The following PIEZO1 variants were observed in gnomAD, a reference collection of about 807,000 sequenced individuals.
PIEZO1 encodes piezo type mechanosensitive ion channel component 1 (Er blood group), also known as piezo-type mechanosensitive ion channel component 1.
A neutral mutation model predicts 297.2 loss-of-function variants in PIEZO1; 296 were observed. The observed-to-expected ratio is 1.00, with a 90% CI of 0.91 to 1.10. The LOEUF is 1.10. Ranked by LOEUF, PIEZO1 falls within the 50% of genes least tolerant of loss-of-function variation. The pLI is 0.00. For synonymous variants in PIEZO1, 2,427 were observed against 1,507.5 expected, an observed-to-expected ratio of 1.61 and a Z score of -14.13; for missense variants, 5,018 against 3,455.5, an observed-to-expected ratio of 1.45 and a Z score of -11.34.
intron 21 of PIEZO1, 50 bp from the exon 22 acceptor site, chr16:88,731,960 G>GGGCGGGGC (rs759215680): frequency 3.4e-6 from 1 of 295,412 alleles, no homozygotes; most frequent in African/African-American, 2.2e-5. Flanking sequence ...TCTGGGGGGA[G>GGGCGGGGC]GGACTTTCTT....
rs747640715 is a variant in PIEZO1, at chr16:88,722,897, G to T, written c.4608C>A (p.His1536Gln). The T allele has an allele frequency of 1.3e-6, 2 of 1,549,156 alleles. No homozygotes were observed. The highest frequency in any genetic ancestry group is 1.7e-6 in the Non-Finnish European group (2 of 1,146,776). ...CCCGCAGCACGTCGCTCATGGTGCC[G>T]TGGTGCCGGGTGAACTCCTGCAGCC... Reference protein sequence around the residue: ...TRWLQEFTRHHGTMSDVLRAE... With the variant: ...TRWLQEFTRHQGTMSDVLRAE... The change falls in exon 34 of 51, where the codon CAC (histidine) becomes CAA (glutamine). Residue 1536 changes from histidine to glutamine, a missense_variant. Physicochemically the swap from His to Gln is conservative, Grantham distance 24. Coordinates refer to ENST00000301015, the MANE Select transcript of PIEZO1 (RefSeq NM_001142864.4).
intron 21 of PIEZO1, among the ~76,000 whole-genome samples, 182 bp from the exon 22 acceptor site, chr16:88,732,092 G>A (rs1432968426): frequency 6.6e-6 from 1 of 151,900 alleles, no homozygotes; most frequent in Non-Finnish European, 1.5e-5. Flanking sequence ...CATCGTGCAG[G>A]GGAAACTGAG....
chr16:88,721,717 C>G lies in PIEZO1; in HGVS notation c.5224G>C (p.Val1742Leu). ...CCAAACTGGAACAGGTACTTGACGA[C>G]CACCGCGATCTGTGGGGGAGGGGGC... The part of the protein sequence containing the change: ...TAIVFTEIAV[V>L]VKYLFQFGFF... The change falls in exon 38 of 51, where the codon GTC becomes CTC. Residue 1742 changes from valine to leucine, a missense_variant. Val to Leu is a conservative substitution (Grantham distance 32). Transcript: ENST00000301015. 1 of 1,541,940 alleles carries G rather than the reference C, an allele frequency of 6.5e-7. No homozygotes were observed. Among genetic ancestry groups the G allele is most frequent in the Non-Finnish European group, 8.7e-7 (1 of 1,143,120 alleles).
intron 21 of PIEZO1, 44 bp from the exon 22 acceptor site, chr16:88,731,954 G>GGGATGGGCGGGGCGT: frequency 9.3e-6 from 3 of 322,528 alleles, no homozygotes; most frequent in Non-Finnish European, 1.8e-5. Context: ...ACTGAGTCTG[G>GGGATGGGCGGGGCGT]GGGGAGGGAC....
At position 88,726,619 on chromosome 16, in the gene PIEZO1, G is replaced by T. The variant is rs1329724031; in HGVS notation, c.3724C>A (p.Gln1242Lys). Residue 1242 changes from glutamine (Q) to lysine (K), a missense_variant, in exon 26 of 51, where the codon CAG becomes AAG. Transcript: ENST00000301015. ...ACCCAGCAGAAGCCGGTCTGCATCT[G>T]CTCCACGAAGACGCAGGCCAGGAGC... is the stretch of plus-strand genomic sequence containing the variant. ...LSLLACVFVE[Q>K]MQTGFCWVIQ... The T allele has an allele frequency of 1.3e-6, 2 of 1,540,208 alleles. No homozygotes were observed. Among genetic ancestry groups the T allele is most frequent in the Non-Finnish European group, 8.8e-7 (1 of 1,140,180 alleles).
intron 1 of PIEZO1, among the ~76,000 whole-genome samples, chr16:88,783,100 G>C (rs1908011042): frequency 6.6e-6 from 1 of 152,178 alleles, no homozygotes; most frequent in South Asian, 2.1e-4. Flanking sequence ...CTGACACGGG[G>C]CCTGGGTGAG....
chr16:88,731,563 G>C, intron 22 of PIEZO1, 143 bp downstream of exon 22: 1 of 636,044 alleles, frequency 1.6e-6, no homozygotes. Context: ...GCCTGGGTAG[G>C]ATGTGGAGCA....
rs750027720 is a variant in PIEZO1 at position 88,720,627 on chromosome 16, G to C, written c.5790C>G (p.Phe1930Leu). 6.7e-5 allele frequency: 104 copies of C among 1,545,452 alleles called. No individual in the cohort carries two copies. In the Admixed American group the frequency reaches 2.0e-3, roughly 30 times the overall value. Residue 1930 changes from phenylalanine (F) to leucine (L), a missense_variant, in exon 40 of 51, where the codon TTC becomes TTG. By Grantham distance (22) the Phe-to-Leu change is conservative (BLOSUM62 0). Coordinates refer to ENST00000301015, the MANE Select transcript of PIEZO1 (RefSeq NM_001142864.4). ...CCGCCATCACTCACAGGGACAGGCA[G>C]AAGCCCTGCAGCCGCCGCCCGGCCG... is the stretch of plus-strand genomic sequence containing the variant. ...VRAAGRRLQG[F>L]CLSLAQGTYR...
rs146687530 is a variant in PIEZO1, at chr16:88,736,654, C to T, written c.1281G>A (p.Ala427=). The change falls in exon 11 of 51, where the codon GCG becomes GCA. Residue 427 remains alanine (A), a synonymous_variant. Transcript: ENST00000301015. ...AGCCGCCTACCATCATGGCAATGAGCGCGCACACATAGCTCTGGTCCATGA... is the reference window on the plus strand; with the variant it reads ...AGCCGCCTACCATCATGGCAATGAGTGCGCACACATAGCTCTGGTCCATGA... ...HLIMDQSYVC[A]LIAMMVWSIT... 1,945 of 1,532,072 alleles carry T rather than the reference C, an allele frequency of 1.3e-3. 11 individuals are homozygous for T. The highest frequency in any genetic ancestry group is 0.011 in the African/African-American group (835 of 73,004). The allele number at this position is 1,532,072 out of a possible 1,614,324, so 94.9% of individuals were successfully genotyped here.
chr16:88,716,112 C>T lies in PIEZO1; in HGVS notation c.7137G>A (p.Glu2379=), dbSNP rs1435483634. ...GGATACGCACGCCGAGGTAGTCGGC[C>T]TCCTCATCTGGGATGGAGGGAGAAG... The part of the protein sequence containing the change: ...NPVKQLQPNE[E]ADYLGVRIQL... Residue 2379 remains glutamate, a synonymous_variant, in exon 50 of 51, where the codon GAG becomes GAA. Coordinates refer to ENST00000301015, the MANE Select transcript of PIEZO1 (RefSeq NM_001142864.4). 4.5e-6 allele frequency: 7 copies of T among 1,544,830 alleles called. No individual in the cohort carries two copies. The highest frequency in any genetic ancestry group is 6.1e-6 in the Non-Finnish European group (7 of 1,143,244).
intron 11 of PIEZO1, 96 bp downstream of exon 11, chr16:88,736,543 G>A (rs1037190452): frequency 1.6e-6 from 1 of 624,776 alleles, no homozygotes; most frequent in Admixed American, 2.9e-5. Context: ...GCGCGGCAGA[G>A]GGGGCTGCAC....
chr16:88,733,968 T>A lies in PIEZO1; in HGVS notation c.2267A>T (p.Glu756Val). ...GCCCAGCCCCTCGTCCCTGGAGTCC[T>A]CCTCCTCCTCCTCCTCCTCCTGCTG... Reference protein sequence around the residue: ...QQQQEEEEEEEDSRDEGLGVA... With the variant: ...QQQQEEEEEEVDSRDEGLGVA... The change falls in exon 17 of 51, where the codon GAG becomes GTG. Residue 756 changes from glutamate to valine, a missense_variant. Physicochemically the swap from Glu to Val is moderately radical, Grantham distance 121 (BLOSUM62 -2). Transcript: ENST00000301015. 6.6e-7 allele frequency: 1 copy of A among 1,522,664 alleles called. No homozygotes were observed. The highest frequency in any genetic ancestry group is 8.8e-7 in the Non-Finnish European group (1 of 1,140,004). The allele number at this position is 1,522,664 out of a possible 1,614,324, so 94.3% of individuals were successfully genotyped here.
chr16:88,743,440 A>G (rs931374618), intron 2 of PIEZO1: 1 of 436,042 alleles, frequency 2.3e-6, no homozygotes, highest in Admixed American at 2.4e-5. Context: ...GCCACGAGAA[A>G]GTGCAGAACA....
intron 29 of PIEZO1, 46 bp downstream of exon 29, chr16:88,725,370 C>T (rs778991782): frequency 8.6e-7 from 1 of 1,161,494 alleles, no homozygotes; most frequent in Non-Finnish European, 1.2e-6. Flanking sequence ...CAGGCACAGA[C>T]ATGCTGGACA....
At chr16:88,754,196 T>A (rs77626352) in intron 1 of PIEZO1, among the ~76,000 whole-genome samples, 3 of 152,042 alleles carry the variant, frequency 2.0e-5, no homozygotes, top group Non-Finnish European at 2.9e-5. Context: ...ATCCTACAGC[T>A]GAGAGGAGCA....
intron 1 of PIEZO1, among the ~76,000 whole-genome samples, chr16:88,766,086 G>A (rs929807925): frequency 2.0e-5 from 3 of 152,238 alleles, no homozygotes; most frequent in African/African-American, 4.8e-5. Context: ...CCGTGGTCAC[G>A]CCTGCGGGTG....
chr16:88,738,380 G>A lies in PIEZO1; in HGVS notation c.695C>T (p.Thr232Ile), dbSNP rs769071879. 1.0e-5 allele frequency: 16 copies of A among 1,535,868 alleles called. No individual in the cohort carries two copies. Among genetic ancestry groups the A allele is most frequent in the Non-Finnish European group, 3.5e-6 (4 of 1,146,852 alleles). Residue 232 changes from threonine (T) to isoleucine (I), a missense_variant, in exon 7 of 51, where the codon ACC becomes ATC. Physicochemically the swap from Thr to Ile is moderately conservative, Grantham distance 89. Coordinates refer to ENST00000301015, the MANE Select transcript of PIEZO1 (RefSeq NM_001142864.4). ...VYLLLFLALC[T>I]WWACHFPIST... The stretch of plus-strand genomic sequence containing the variant: ...GATGGGAAAGTGGCAGGCCCACCAG[G>A]TGCAGAGGGCCAGGAAGAGCAGCAG...
intron 1 of PIEZO1, among the ~76,000 whole-genome samples, chr16:88,755,524 G>C (rs1360799921): frequency 6.6e-6 from 1 of 152,214 alleles, no homozygotes. Flanking sequence ...CGGGCGTTTG[G>C]GTTCAGAGCT....
chr16:88,727,095 G>A lies in PIEZO1; in HGVS notation c.3399C>T (p.Asp1133=), dbSNP rs763870469. The A allele has an allele frequency of 7.7e-6, 12 of 1,549,764 alleles. No individual in the cohort carries two copies. In the Admixed American group the frequency reaches 1.2e-4, roughly 15 times the overall value. ...GCTCCCCCCGCAGCGGCTCCAGGCG[G>A]TCGGTGTTGACGCCAGCCATGCGCT... is the stretch of plus-strand genomic sequence containing the variant. ...EWQRMAGVNT[D]RLEPLRGEPN... Residue 1133 remains aspartate (D), a synonymous_variant, in exon 24 of 51, where the codon GAC becomes GAT. Coordinates refer to ENST00000301015, the MANE Select transcript of PIEZO1 (RefSeq NM_001142864.4).
Sources: allele counts gnomAD v4.1 joint callset (sites outside exome capture counted in the v4.1 genomes callset), GRCh38; gene constraint gnomAD v4.1.1; transcripts MANE v1.5; gene names NCBI Gene and HGNC (gene_info 2026-07-23, HGNC 2026-07-21).